The following GPR158 variants were observed in gnomAD, a reference collection of about 807,000 sequenced individuals.
GPR158 encodes metabotropic glycine receptor.
A neutral mutation model predicts 78.2 loss-of-function variants in GPR158; 30 were observed. That is an observed-to-expected ratio of 0.38 (90% CI 0.29 to 0.52). The LOEUF is 0.52. Among genes scored for constraint, GPR158 ranks in the 20% least tolerant of loss-of-function variants. The probability of loss-of-function intolerance (pLI) is 0.83; values close to 1 mark genes in which losing one functional copy is unlikely to be tolerated. For synonymous variants in GPR158, 581 were observed against 591.1 expected (o/e 0.98, Z 0.25); for missense variants, 1,463 against 1,523.5 (o/e 0.96, Z 0.66).
chr10:25,541,493 A>T (rs781320544), intron 5 of GPR158, among the ~76,000 whole-genome samples: 1 of 151,986 alleles, frequency 6.6e-6, no homozygotes, highest in African/African-American at 2.4e-5. Context: ...AATCATGAAG[A>T]GATTGTGTTC....
At chr10:25,256,014 T>C (rs75972114) in intron 2 of GPR158, among the ~76,000 whole-genome samples, 8 of 152,316 alleles carry the variant, frequency 5.3e-5, no homozygotes, top group African/African-American at 1.9e-4. Flanking sequence ...TGAGTTTCTA[T>C]TTTCAACATT....
intron 4 of GPR158, among the ~76,000 whole-genome samples, chr10:25,447,356 G>GT (rs1243392071): frequency 6.6e-6 from 1 of 152,152 alleles, no homozygotes; most frequent in East Asian, 1.9e-4. Flanking sequence ...CCCAGAACCA[G>GT]TAAGTGGCAG....
rs1837475977 is a variant in GPR158, at chr10:25,600,208, G to A, written c.*934G>A. 6.5e-6 allele frequency: 1 copy of A among 152,704 alleles called. No individual in the cohort carries two copies. The highest frequency in any genetic ancestry group is 1.5e-5 in the Non-Finnish European group (1 of 68,018). The allele number at this position is 152,704 out of a possible 1,614,324, so 9.5% of individuals were successfully genotyped here. ...TAGTCATATGTCTCAATAAGTTAAG[G>A]ACAACTTATCCGTTGTTTATTCAAA... On this transcript the variant is annotated 3_prime_UTR_variant, in exon 11 of 11. Coordinates refer to ENST00000376351, the MANE Select transcript of GPR158 (RefSeq NM_020752.3).
intron 2 of GPR158, among the ~76,000 whole-genome samples, chr10:25,327,120 A>T (rs1354343950): frequency 6.6e-6 from 1 of 152,176 alleles, no homozygotes; most frequent in Non-Finnish European, 1.5e-5. Flanking sequence ...ACCTTAATAA[A>T]GCTGGAGAGA....
intron 5 of GPR158, among the ~76,000 whole-genome samples, chr10:25,528,871 A>T (rs185579909): frequency 1.4e-3 from 209 of 152,332 alleles, no homozygotes; most frequent in African/African-American, 4.7e-3. Context: ...AAATTACTCT[A>T]AAGTTACAGG....
At chr10:25,287,130 A>G (rs1018187275) in intron 2 of GPR158, among the ~76,000 whole-genome samples, 8 of 152,036 alleles carry the variant, frequency 5.3e-5, no homozygotes, top group African/African-American at 1.9e-4. Context: ...CGCCACTCCT[A>G]GTTGTATTCC....
chr10:25,346,561 C>G (rs1855374425), intron 2 of GPR158, among the ~76,000 whole-genome samples: 1 of 151,862 alleles, frequency 6.6e-6, no homozygotes, highest in South Asian at 2.1e-4. Flanking sequence ...TGCATATGTT[C>G]CTTATAGATT....
intron 2 of GPR158, among the ~76,000 whole-genome samples, chr10:25,293,135 G>C (rs1854463674): frequency 6.6e-6 from 1 of 152,168 alleles, no homozygotes; most frequent in African/African-American, 2.4e-5. Flanking sequence ...TTTCTTTGTG[G>C]ATTAATTGCA....
At chr10:25,330,643 T>C (rs1855105912) in intron 2 of GPR158, among the ~76,000 whole-genome samples, 1 of 152,222 alleles carries the variant, frequency 6.6e-6, no homozygotes, top group Non-Finnish European at 1.5e-5. Context: ...TTATACTTTC[T>C]TCTACCCTTC....
At chr10:25,554,525 G>A (rs1171645431) in intron 6 of GPR158, among the ~76,000 whole-genome samples, 1 of 152,066 alleles carries the variant, frequency 6.6e-6, no homozygotes, top group African/African-American at 2.4e-5. Context: ...ATCACATTCT[G>A]TCACCAGAGA....
At chr10:25,279,247 T>C (rs1447112034) in intron 2 of GPR158, among the ~76,000 whole-genome samples, 1 of 152,178 alleles carries the variant, frequency 6.6e-6, no homozygotes. Flanking sequence ...CATGTTCTGA[T>C]TGCTGTATGT....
chr10:25,330,141 C>T (rs1018068222), intron 2 of GPR158, among the ~76,000 whole-genome samples: 1 of 152,082 alleles, frequency 6.6e-6, no homozygotes, highest in Non-Finnish European at 1.5e-5. Flanking sequence ...TTACCTCTTA[C>T]ATATTATCTC....
At chr10:25,297,203 G>A (rs1464205350) in intron 2 of GPR158, among the ~76,000 whole-genome samples, 2 of 152,180 alleles carry the variant, frequency 1.3e-5, no homozygotes, top group African/African-American at 4.8e-5. Flanking sequence ...GCCCCTAGGT[G>A]TAACATTGCT....
intron 6 of GPR158, among the ~76,000 whole-genome samples, chr10:25,564,057 G>A (rs1462189065): frequency 6.6e-6 from 1 of 151,986 alleles, no homozygotes; most frequent in East Asian, 1.9e-4. Flanking sequence ...GACTTTTATA[G>A]TCTGTATTCT....
At chr10:25,327,640 T>C (rs557542644) in intron 2 of GPR158, among the ~76,000 whole-genome samples, 1 of 152,218 alleles carries the variant, frequency 6.6e-6, no homozygotes, top group Non-Finnish European at 1.5e-5. Flanking sequence ...AATGAAACAC[T>C]ACCAAATTTA....
At chr10:25,220,939 T>C (rs1853291478) in intron 1 of GPR158, 113 bp from the exon 2 acceptor site, 2 of 651,270 alleles carry the variant, frequency 3.1e-6, no homozygotes, top group Non-Finnish European at 5.2e-6. Context: ...GAGTAGGCAA[T>C]TTGACAATTT....
At chr10:25,583,841 C>T (rs570965008) in intron 7 of GPR158, among the ~76,000 whole-genome samples, 21 of 152,236 alleles carry the variant, frequency 1.4e-4, no homozygotes, top group Middle Eastern at 6.8e-3. Flanking sequence ...TAATACAAAA[C>T]GCCTTTGCAA....
intron 2 of GPR158, among the ~76,000 whole-genome samples, chr10:25,364,558 C>A (rs575968134): frequency 6.6e-6 from 1 of 151,992 alleles, no homozygotes; most frequent in African/African-American, 2.4e-5. Context: ...AATGCTAATG[C>A]TGATTACTCC....
At chr10:25,322,526 T>TA (rs1312888348) in intron 2 of GPR158, among the ~76,000 whole-genome samples, 1 of 152,264 alleles carries the variant, frequency 6.6e-6, no homozygotes, top group African/African-American at 2.4e-5. Flanking sequence ...TTACTGATGA[T>TA]ATTTTGACTT....
Sources: allele counts gnomAD v4.1 joint callset (sites outside exome capture counted in the v4.1 genomes callset), GRCh38; gene constraint gnomAD v4.1.1; transcripts MANE v1.5; gene names NCBI Gene and HGNC (gene_info 2026-07-23, HGNC 2026-07-21).